The following AGBL4 variants were observed in gnomAD, a reference collection of about 807,000 sequenced individuals.
AGBL4 encodes cytosolic carboxypeptidase 6.
Under a neutral mutation model 66.4 loss-of-function variants are expected in AGBL4, and 58 were observed. That is an observed-to-expected ratio of 0.87 (90% CI 0.71 to 1.09). AGBL4 has a LOEUF of 1.09. Ranked by LOEUF, AGBL4 falls within the 50% of genes least tolerant of loss-of-function variation. The pLI, the probability that AGBL4 is intolerant of heterozygous loss-of-function variation, is 0.00. For synonymous variants in AGBL4, 234 were observed against 222.9 expected, an observed-to-expected ratio of 1.05 and a Z score of -0.44; for missense variants, 579 against 631.0, an observed-to-expected ratio of 0.92 and a Z score of 0.88.
At chr1:49,144,765 G>A (rs1055483390) in intron 4 of AGBL4, among the ~76,000 whole-genome samples, 2 of 152,182 alleles carry the variant, frequency 1.3e-5, no homozygotes, top group African/African-American at 4.8e-5. Flanking sequence ...TACCTGCAGG[G>A]TCCTGGAAGA....
At position 49,583,654 on chromosome 1, in the gene AGBL4, G is replaced by A. The variant is rs953182981; in HGVS notation, c.282+113659C>T. Among the ~76,000 whole-genome samples the A allele has an allele frequency of 3.3e-5, 5 of 152,072 alleles. No individual in the cohort carries two copies. The East Asian group carries it at 7.7e-4, about 23-fold the overall frequency. ...ATTGTAGGGCACACAATTGGTAGCT[G>A]GAGAATTGTTCTGTCATATGGAAAA... On this transcript the variant is annotated intron_variant, in intron 3 of 13. Transcript: ENST00000371839.
rs766020819 is a variant in AGBL4, at chr1:49,953,010, T to C, written c.34+70753A>G. On this transcript the variant is annotated intron_variant, in intron 1 of 13. Transcript: ENST00000371839. ...AACCTCCATGAGTAGTACAGAATTA[T>C]GGCTAGCCAGTCTCCTTCTAAATCT... Among the ~76,000 whole-genome samples the C allele has an allele frequency of 5.3e-5, 8 of 152,068 alleles. No homozygotes were observed. In the Middle Eastern group the frequency reaches 0.01, roughly 194 times the overall value.
At chr1:49,027,760 A>G (rs557865616) in intron 5 of AGBL4, among the ~76,000 whole-genome samples, 27 of 152,252 alleles carry the variant, frequency 1.8e-4, no homozygotes, top group African/African-American at 6.5e-4. Flanking sequence ...GACCTTACTC[A>G]TAGAATGAAA....
chr1:48,792,343 A>G (rs1360595591), intron 6 of AGBL4, among the ~76,000 whole-genome samples: 1 of 152,222 alleles, frequency 6.6e-6, no homozygotes, highest in South Asian at 2.1e-4. Flanking sequence ...ACTTGTATCA[A>G]CAACAGTGAG....
intron 4 of AGBL4, among the ~76,000 whole-genome samples, chr1:49,091,066 C>T (rs909518383): frequency 2.0e-5 from 3 of 152,046 alleles, no homozygotes; most frequent in South Asian, 2.1e-4. Flanking sequence ...CTCTTCCTTA[C>T]ACCATATACA....
At chr1:48,972,046 GT>G (rs1461067870) in intron 5 of AGBL4, among the ~76,000 whole-genome samples, 1 of 152,140 alleles carries the variant, frequency 6.6e-6, no homozygotes, top group African/African-American at 2.4e-5. Context: ...TTGTGCCTTT[GT>G]CCTGCATGAC....
At chr1:49,733,211 A>C (rs1235445773) in intron 2 of AGBL4, among the ~76,000 whole-genome samples, 1 of 152,200 alleles carries the variant, frequency 6.6e-6, no homozygotes, top group African/African-American at 2.4e-5. Flanking sequence ...AAAGAAGGAA[A>C]AGTAGAGACT....
At chr1:49,542,237 T>C (rs1444285847) in intron 3 of AGBL4, among the ~76,000 whole-genome samples, 1 of 152,200 alleles carries the variant, frequency 6.6e-6, no homozygotes, top group Non-Finnish European at 1.5e-5. Flanking sequence ...CAGCCAGCAG[T>C]GGCAACCTGC....
Position 49,882,122 on chromosome 1 carries a change from A to C in AGBL4, c.35-30604T>G, listed in dbSNP as rs867892405. 4.7e-4 allele frequency among the ~76,000 whole-genome samples: 72 copies of C among 151,886 alleles called. No individual in the cohort carries two copies. The South Asian group carries it at 5.4e-3, about 11-fold the overall frequency. ...TCTACATATGGCTAGCCAGTTTTCC[A>C]AGCACCATTTATTAAATAGGGAATC... is the stretch of plus-strand genomic sequence containing the variant. On this transcript the variant is annotated intron_variant, in intron 1 of 13. Transcript: ENST00000371839.
At chr1:48,932,774 T>A (rs534670059) in intron 5 of AGBL4, among the ~76,000 whole-genome samples, 1 of 152,214 alleles carries the variant, frequency 6.6e-6, no homozygotes, top group African/African-American at 2.4e-5. Flanking sequence ...CTTTAATGAA[T>A]GTTTTTCTAG....
intron 3 of AGBL4, among the ~76,000 whole-genome samples, chr1:49,400,792 A>G (rs1645068345): frequency 6.6e-6 from 1 of 152,184 alleles, no homozygotes; most frequent in African/African-American, 2.4e-5. Context: ...TTCCCAAATA[A>G]AATTGTATCA....
intron 6 of AGBL4, among the ~76,000 whole-genome samples, chr1:48,849,830 G>A (rs1646994521): frequency 6.6e-6 from 1 of 152,042 alleles, no homozygotes; most frequent in African/African-American, 2.4e-5. Context: ...AAAATTAGCT[G>A]GGTGTGGTGG....
the AGBL4 span, among the ~76,000 whole-genome samples, chr1:48,523,832 A>G: frequency 6.6e-6 from 1 of 152,162 alleles, no homozygotes; most frequent in Non-Finnish European, 1.5e-5. Context: ...ACAAATCTAG[A>G]TGGTGTGGCC....
intron 5 of AGBL4, among the ~76,000 whole-genome samples, chr1:48,965,810 G>A (rs534870006): frequency 3.9e-5 from 6 of 152,214 alleles, no homozygotes; most frequent in Admixed American, 6.5e-5. Flanking sequence ...AAGTAGGGGA[G>A]CCTACAAATA....
intron 4 of AGBL4, among the ~76,000 whole-genome samples, chr1:49,159,697 C>T (rs1646503775): frequency 6.6e-6 from 1 of 152,164 alleles, no homozygotes; most frequent in African/African-American, 2.4e-5. Context: ...CTTTCAGGTA[C>T]ACCAATCAAA....
Position 48,736,120 on chromosome 1 carries a change from G to T in AGBL4, c.635-72879C>A. 8.4e-7 allele frequency: 1 copy of T among 1,196,512 alleles called. No individual in the cohort carries two copies. The highest frequency in any genetic ancestry group is 1.2e-6 in the Non-Finnish European group (1 of 825,544). The allele number at this position is 1,196,512 out of a possible 1,614,324, so 74.1% of individuals were successfully genotyped here. On this transcript the variant is annotated intron_variant, in intron 6 of 13. Coordinates refer to ENST00000371839, the MANE Select transcript of AGBL4 (RefSeq NM_032785.4). The surrounding 1 kb of genome is among the most constrained non-coding windows in gnomAD (Gnocchi z 4.0). ...TATCCGCTTGGTGTCCCCGGGCTCA[G>T]CCCAGGGTCTGGCATGCAGAAGCTT...
chr1:49,759,691 A>G (rs1652158549), intron 2 of AGBL4, among the ~76,000 whole-genome samples: 1 of 152,236 alleles, frequency 6.6e-6, no homozygotes, highest in African/African-American at 2.4e-5. Flanking sequence ...AAACTATTCT[A>G]TGGTGGAAAC....
intron 3 of AGBL4, among the ~76,000 whole-genome samples, chr1:49,326,030 T>C (rs890574307): frequency 6.6e-6 from 1 of 152,176 alleles, no homozygotes; most frequent in African/African-American, 2.4e-5. Flanking sequence ...ACTTATTTTC[T>C]TTATAATTTA....
Position 48,712,843 on chromosome 1 carries a change from G to A in AGBL4, c.635-49602C>T, listed in dbSNP as rs139139960. On this transcript the variant is annotated intron_variant, in intron 6 of 13. Coordinates refer to ENST00000371839, the MANE Select transcript of AGBL4 (RefSeq NM_032785.4). Reference sequence around the variant, plus strand: ...ATCCAATTACATAGTTGTGGCCCCCGTGAATGGGGTTAAAACAGGAGTGCA... The same window carrying A: ...ATCCAATTACATAGTTGTGGCCCCCATGAATGGGGTTAAAACAGGAGTGCA... 4.6e-5 allele frequency among the ~76,000 whole-genome samples: 7 copies of A among 152,332 alleles called. No homozygotes were observed. In the East Asian group the frequency reaches 5.8e-4, roughly 13 times the overall value.
Sources: gnomAD v4.1 joint callset for allele counts (sites outside exome capture counted in the v4.1 genomes callset) on GRCh38, gnomAD v4.1.1 for gene constraint, Gnocchi (gnomAD v3.1) non-coding constraint, MANE v1.5 for transcripts, NCBI Gene and HGNC (gene_info 2026-07-23, HGNC 2026-07-21) for gene names.